The following RBFOX3 variants were observed in gnomAD, a reference collection of about 807,000 sequenced individuals.
RBFOX3 encodes the protein RNA binding fox-1 homolog 3, also known as RNA binding protein fox-1 homolog 3.
Under a neutral mutation model 48.7 loss-of-function variants are expected in RBFOX3, and 17 were observed. The ratio of observed to expected loss-of-function variants is 0.35; its 90% CI spans 0.24 to 0.52. The LOEUF is 0.52. Among genes scored for constraint, RBFOX3 ranks in the 20% least tolerant of loss-of-function variants. RBFOX3 has a pLI of 0.94. For synonymous variants in RBFOX3, 212 were observed against 209.5 expected (o/e 1.01, Z -0.10); for missense variants, 382 against 497.5 (o/e 0.77, Z 2.21).
In RBFOX3 at chr17:79,115,629, G is replaced by A; in HGVS notation, c.87C>T (p.Pro29=). The A allele has an allele frequency of 1.4e-6, 2 of 1,443,216 alleles. No individual in the cohort carries two copies. The highest frequency in any genetic ancestry group is 1.4e-5 in the African/African-American group (1 of 69,210). 89.4% of individuals were successfully genotyped at this position (1,443,216 alleles called of 1,614,324 possible). Reference sequence around the variant, plus strand: ...GGGTCTGGCCGGAGTAGTCCTGCGTGGGGTGCGGTGGGGGCGGGGCGTACT... The same window carrying A: ...GGGTCTGGCCGGAGTAGTCCTGCGTAGGGTGCGGTGGGGGCGGGGCGTACT... ...PAEYAPPPPH[P]TQDYSGQTPV... Residue 29 remains proline (P), a synonymous_variant, in exon 5 of 15, where the codon CCC becomes CCT. Coordinates refer to ENST00000693108, the MANE Select transcript of RBFOX3 (RefSeq NM_001350451.2).
chr17:79,332,635 C>CAGAGATGGAGACAGAGAGACAAAG (rs1341433878), intron 2 of RBFOX3, among the ~76,000 whole-genome samples: 3 of 149,124 alleles, frequency 2.0e-5, no homozygotes, highest in Non-Finnish European at 3.0e-5. Flanking sequence ...CAAAGAGAGA[C>CAGAGATGGAGACAGAGAGACAAAG]AGAGATGGAG....
intron 2 of RBFOX3, among the ~76,000 whole-genome samples, chr17:79,413,718 C>G (rs1450460090): frequency 6.6e-6 from 1 of 152,168 alleles, no homozygotes; most frequent in Non-Finnish European, 1.5e-5. Flanking sequence ...GCCCGAGGAG[C>G]AGCAGGCCGC....
At chr17:79,334,493 C>T (rs1432309076) in intron 2 of RBFOX3, among the ~76,000 whole-genome samples, 1 of 152,208 alleles carries the variant, frequency 6.6e-6, no homozygotes, top group African/African-American at 2.4e-5. Flanking sequence ...GATCCTGGAA[C>T]CACTGTTTCA....
rs373278153 is a variant in RBFOX3, at chr17:79,124,136, T to C, written c.-33-8388A>G. Among the ~76,000 whole-genome samples the C allele has an allele frequency of 7.1e-4, 108 of 152,340 alleles. 1 individual carries two copies. The South Asian group carries it at 0.021, about 30-fold the overall frequency. ...GGCATGCTCTTTACAACTCCAGGTC[T>C]AGTGACCACACTGGGAGTCTGAAAT... On this transcript the variant is annotated intron_variant, in intron 4 of 14. Transcript: ENST00000693108.
At chr17:79,478,734 C>A (rs1462454241) in intron 2 of RBFOX3, among the ~76,000 whole-genome samples, 2 of 152,226 alleles carry the variant, frequency 1.3e-5, no homozygotes, top group African/African-American at 4.8e-5. Flanking sequence ...CCCATCTCTT[C>A]CCTGTGGACC....
chr17:79,459,999 A>G (rs1237569352), intron 2 of RBFOX3, among the ~76,000 whole-genome samples: 1 of 152,164 alleles, frequency 6.6e-6, no homozygotes, highest in African/African-American at 2.4e-5. Flanking sequence ...CAGGTGCTGC[A>G]ATGTGCTGCA....
At chr17:79,495,975 C>CATG (rs1158682721) in intron 1 of RBFOX3, among the ~76,000 whole-genome samples, 2 of 152,022 alleles carry the variant, frequency 1.3e-5, no homozygotes, top group African/African-American at 4.8e-5. Flanking sequence ...CATGCAGAAG[C>CATG]ATGGCCCCTG....
intron 3 of RBFOX3, among the ~76,000 whole-genome samples, chr17:79,238,373 G>C (rs1567896241): frequency 6.6e-6 from 1 of 152,246 alleles, no homozygotes. Context: ...CCAGAGCCTT[G>C]GAAGGGTACG....
At chr17:79,109,126 G>A (rs1352410669) in intron 5 of RBFOX3, among the ~76,000 whole-genome samples, 4 of 152,156 alleles carry the variant, frequency 2.6e-5, no homozygotes, top group African/African-American at 4.8e-5. Flanking sequence ...GTGAGGCTCC[G>A]GGTGGATCCT....
At chr17:79,546,883 T>C (rs905221172) in intron 1 of RBFOX3, among the ~76,000 whole-genome samples, 4 of 151,660 alleles carry the variant, frequency 2.6e-5, no homozygotes, top group Admixed American at 2.6e-4. Flanking sequence ...TTGGTCAGGC[T>C]GGTCTCAAGC....
chr17:79,463,280 A>T (rs111171013), intron 2 of RBFOX3, among the ~76,000 whole-genome samples: 1,871 of 73,894 alleles, frequency 0.025, 164 homozygotes, highest in African/African-American at 0.096. Flanking sequence ...TGCCACCTCC[A>T]CCACCATCAC....
At chr17:79,134,686 C>T (rs1271559183) in intron 4 of RBFOX3, among the ~76,000 whole-genome samples, 2 of 152,216 alleles carry the variant, frequency 1.3e-5, no homozygotes, top group Admixed American at 1.3e-4. Flanking sequence ...CCAGTTGGCA[C>T]CCTGACCGTG....
intron 4 of RBFOX3, among the ~76,000 whole-genome samples, chr17:79,170,315 G>A (rs572375488): frequency 4.0e-4 from 61 of 152,258 alleles, no homozygotes; most frequent in African/African-American, 1.4e-3. Context: ...TACCGGCTCC[G>A]GTCCTGCCAA....
In RBFOX3 at chr17:79,224,650, G is replaced by A. The variant is rs150254060; in HGVS notation, c.-34+11116C>T. 3.0e-4 allele frequency among the ~76,000 whole-genome samples: 45 copies of A among 152,360 alleles called. 1 individual carries two copies. In the East Asian group the frequency reaches 7.3e-3, roughly 25 times the overall value. ...CTAAACAGAGTCAGCTTGGAGGGCA[G>A]CCACTTAGCTTTGGAGTCATCGTCC... is the stretch of plus-strand genomic sequence containing the variant. On this transcript the variant is annotated intron_variant, in intron 4 of 14. Coordinates refer to ENST00000693108, the MANE Select transcript of RBFOX3 (RefSeq NM_001350451.2).
intron 11 of RBFOX3, 125 bp downstream of exon 11, chr17:79,097,167 C>A: frequency 2.4e-6 from 2 of 846,654 alleles, no homozygotes; most frequent in Non-Finnish European, 3.6e-6. Context: ...GGGGCTCCCA[C>A]GATCCTCCCC....
intron 4 of RBFOX3, among the ~76,000 whole-genome samples, chr17:79,150,028 T>TGGGGGGTGGGGGTGGGGGGTGAGGGG (rs2044025014): frequency 6.9e-5 from 1 of 14,590 alleles, no homozygotes; most frequent in African/African-American, 3.5e-4. Flanking sequence ...GGGTTGAGGG[T>TGGGGGGTGGGGGTGGGGGGTGAGGGG]GGGGGGTGGG....
At position 79,108,921 on chromosome 17, in the gene RBFOX3, G is replaced by A. The variant is rs924025911; in HGVS notation, c.223-2133C>T. Among the ~76,000 whole-genome samples the A allele has an allele frequency of 2.6e-5, 4 of 152,254 alleles. 1 individual carries two copies. The highest frequency in any genetic ancestry group is 4.1e-4 in the South Asian group (2 of 4,834). On this transcript the variant is annotated intron_variant, in intron 5 of 14. Coordinates refer to ENST00000693108, the MANE Select transcript of RBFOX3 (RefSeq NM_001350451.2). ...AGGGCTGTAGGGCTGTGGAGCACAC[G>A]TGTCCACGTTCCTGATGCAGCTCTG...
intron 3 of RBFOX3, among the ~76,000 whole-genome samples, chr17:79,274,615 C>T (rs201731020): frequency 1.3e-5 from 2 of 152,098 alleles, no homozygotes; most frequent in East Asian, 3.9e-4. Flanking sequence ...GCAGGGCTGG[C>T]TCTGTGGCAC....
At chr17:79,297,040 C>T (rs2074496849) in intron 3 of RBFOX3, among the ~76,000 whole-genome samples, 1 of 151,222 alleles carries the variant, frequency 6.6e-6, no homozygotes, top group Admixed American at 6.6e-5. Flanking sequence ...GCAGCTCTGG[C>T]TTTTTCCTCC....
Sources: allele counts gnomAD v4.1 joint callset (sites outside exome capture counted in the v4.1 genomes callset), GRCh38; gene constraint gnomAD v4.1.1; transcripts MANE v1.5; gene names NCBI Gene and HGNC (gene_info 2026-07-23, HGNC 2026-07-21).